The following PBX3 variants were observed in gnomAD, a reference collection of about 807,000 sequenced individuals.
The protein encoded by PBX3 is pre-B-cell leukemia transcription factor 3.
A neutral mutation model predicts 48.5 loss-of-function variants in PBX3; 14 were observed. That is an observed-to-expected ratio of 0.29 (90% CI 0.19 to 0.45). PBX3 has a LOEUF of 0.45. Among genes scored for constraint, PBX3 ranks in the 20% least tolerant of loss-of-function variants. PBX3 has a pLI of 1.00. For synonymous variants in PBX3, 210 were observed against 200.3 expected (o/e 1.05, Z -0.41); for missense variants, 386 against 546.7 (o/e 0.71, Z 2.93).
At chr9:125,908,398 G>T (rs1460554874) in intron 2 of PBX3, among the ~76,000 whole-genome samples, 1 of 152,082 alleles carries the variant, frequency 6.6e-6, no homozygotes, top group Non-Finnish European at 1.5e-5. Context: ...ATTCTTCAGG[G>T]AGAAAAGGCA....
intron 2 of PBX3, among the ~76,000 whole-genome samples, chr9:125,816,717 C>T (rs528512337): frequency 6.6e-6 from 1 of 152,180 alleles, no homozygotes; most frequent in South Asian, 2.1e-4. Context: ...TGTGTCTGTC[C>T]TCAAGTTTTA....
chr9:125,926,481 C>G (rs1376532360), intron 3 of PBX3, among the ~76,000 whole-genome samples: 2 of 151,622 alleles, frequency 1.3e-5, no homozygotes, highest in African/African-American at 2.4e-5. Context: ...GATCATGCCA[C>G]TGCACTCCAG....
At chr9:125,927,540 A>G (rs1841605475) in intron 3 of PBX3, among the ~76,000 whole-genome samples, 1 of 152,170 alleles carries the variant, frequency 6.6e-6, no homozygotes, top group Non-Finnish European at 1.5e-5. Context: ...ACTTCCAAAC[A>G]TGTCTTGCAT....
intron 2 of PBX3, among the ~76,000 whole-genome samples, chr9:125,775,312 C>A (rs1002353573): frequency 6.6e-6 from 1 of 152,134 alleles, no homozygotes; most frequent in African/African-American, 2.4e-5. Context: ...GCTCGTTGGT[C>A]ATTTGTCCTT....
chr9:125,811,033 A>G (rs1838274670), intron 2 of PBX3, among the ~76,000 whole-genome samples: 1 of 152,182 alleles, frequency 6.6e-6, no homozygotes. Context: ...CTCTTCTGCT[A>G]AAAGTAGCTA....
At chr9:125,768,581 T>G (rs1273868764) in intron 2 of PBX3, among the ~76,000 whole-genome samples, 1 of 152,220 alleles carries the variant, frequency 6.6e-6, no homozygotes, top group African/African-American at 2.4e-5. Context: ...AACTAAATGA[T>G]AAGAAGAATA....
chr9:125,858,290 A>G (rs924463896), intron 2 of PBX3, among the ~76,000 whole-genome samples: 2 of 152,212 alleles, frequency 1.3e-5, no homozygotes, highest in African/African-American at 2.4e-5. Flanking sequence ...AAGGCATTTG[A>G]TGAAAAGCAA....
chr9:125,899,385 T>A lies in PBX3; in HGVS notation c.275-16301T>A, dbSNP rs868675964. Among the ~76,000 whole-genome samples the A allele has an allele frequency of 7.2e-4, 92 of 128,390 alleles. 1 individual carries two copies. The highest frequency in any genetic ancestry group is 2.2e-3 in the African/African-American group (72 of 33,438). The allele number at this position is 128,390 out of a possible 152,430, so 84.2% of individuals were successfully genotyped here. A position where few individuals can be genotyped will look rare whatever the true frequency, so the allele number is the denominator to read the frequency against. ...AATATATACATATATGTATATATTT[T>A]TATATAAATATACAAATATATGTAT... On this transcript the variant is annotated intron_variant, in intron 2 of 8. Coordinates refer to ENST00000373489, the MANE Select transcript of PBX3 (RefSeq NM_006195.6).
intron 2 of PBX3, among the ~76,000 whole-genome samples, chr9:125,783,965 C>T (rs1386168266): frequency 1.3e-5 from 2 of 152,118 alleles, no homozygotes; most frequent in East Asian, 1.9e-4. Flanking sequence ...CATGCCACCG[C>T]ACTGCAGCCT....
intron 2 of PBX3, among the ~76,000 whole-genome samples, chr9:125,896,624 T>C (rs1009313978): frequency 2.0e-5 from 3 of 152,046 alleles, no homozygotes; most frequent in African/African-American, 2.4e-5. Context: ...CAACTGTATA[T>C]AAGTAATCAT....
chr9:125,890,729 T>C (rs1302646244), intron 2 of PBX3, among the ~76,000 whole-genome samples: 1 of 152,216 alleles, frequency 6.6e-6, no homozygotes, highest in Non-Finnish European at 1.5e-5. Context: ...CATCTAATTG[T>C]GTGGGAGTAG....
chr9:125,763,313 T>C (rs1836718982), intron 2 of PBX3, among the ~76,000 whole-genome samples: 1 of 152,228 alleles, frequency 6.6e-6, no homozygotes, highest in African/African-American at 2.4e-5. Context: ...TACCATCTTT[T>C]TGTGTGAGGT....
At chr9:125,793,244 C>G (rs552343581) in intron 2 of PBX3, among the ~76,000 whole-genome samples, 1 of 149,624 alleles carries the variant, frequency 6.7e-6, no homozygotes, top group African/African-American at 2.5e-5. Context: ...CCCAGCTACT[C>G]GGGATGCTGA....
At chr9:125,913,281 A>T (rs1050544983) in intron 2 of PBX3, among the ~76,000 whole-genome samples, 2 of 152,270 alleles carry the variant, frequency 1.3e-5, no homozygotes, top group Non-Finnish European at 2.9e-5. Context: ...ATTGCATTAA[A>T]ACATATTTTC....
At chr9:125,836,690 A>C (rs987186896) in intron 2 of PBX3, among the ~76,000 whole-genome samples, 1 of 152,190 alleles carries the variant, frequency 6.6e-6, no homozygotes, top group South Asian at 2.1e-4. Flanking sequence ...CTGATGATAA[A>C]TGTTTAAGAT....
At chr9:125,921,550 A>G (rs529558073) in intron 3 of PBX3, among the ~76,000 whole-genome samples, 14 of 152,308 alleles carry the variant, frequency 9.2e-5, no homozygotes, top group African/African-American at 2.6e-4. Flanking sequence ...ATTATATAAT[A>G]TAATCCTTAT....
chr9:125,794,936 TTGAAAGCAACTCAAACTGAATTCAGTA>T (rs372806167), intron 2 of PBX3, among the ~76,000 whole-genome samples: 23 of 152,224 alleles, frequency 1.5e-4, no homozygotes, highest in African/African-American at 5.1e-4. Flanking sequence ...CCATTACGTT[TTGAAAGCAACTCAAACTGAATTCAGTA>T]TTGATGCATT....
At chr9:125,785,995 A>G (rs1157830455) in intron 2 of PBX3, among the ~76,000 whole-genome samples, 12 of 149,908 alleles carry the variant, frequency 8.0e-5, no homozygotes, top group Non-Finnish European at 1.8e-4. Context: ...ACCTTTGACT[A>G]TTTTCTAGCA....
intron 2 of PBX3, among the ~76,000 whole-genome samples, chr9:125,861,447 A>G (rs1839862069): frequency 6.6e-6 from 1 of 152,202 alleles, no homozygotes; most frequent in Non-Finnish European, 1.5e-5. Flanking sequence ...CTAACTGTAT[A>G]ATTACCATAT....
Sources: gnomAD v4.1 joint callset for allele counts (sites outside exome capture counted in the v4.1 genomes callset) on GRCh38, gnomAD v4.1.1 for gene constraint, MANE v1.5 for transcripts, NCBI Gene and HGNC (gene_info 2026-07-23, HGNC 2026-07-21) for gene names.